The following PTPN14 variants were observed in gnomAD, a reference collection of about 807,000 sequenced individuals.
The protein encoded by PTPN14 is protein tyrosine phosphatase non-receptor type 14.
In PTPN14, 53 loss-of-function variants were observed where a neutral mutation model predicts 126.8. The ratio of observed to expected loss-of-function variants is 0.42; its 90% CI spans 0.34 to 0.53. The LOEUF (loss-of-function observed/expected upper bound fraction) is 0.53, where lower values mean the gene tolerates loss of function less well. PTPN14 is among the 20% of genes least tolerant of loss of function. The pLI, the probability that PTPN14 is intolerant of heterozygous loss-of-function variation, is 0.08. For missense variants in PTPN14, 1,257 were observed against 1,552.9 expected (o/e 0.81, Z 3.20); for synonymous variants, 630 against 599.3 (o/e 1.05, Z -0.75).
In PTPN14 at chr1:214,353,236, G is replaced by A. The variant is rs1657739882; in HGVS notation, c.*4686C>T. On this transcript the variant is annotated 3_prime_UTR_variant, in exon 19 of 19. Coordinates refer to ENST00000366956, the MANE Select transcript of PTPN14 (RefSeq NM_005401.5). ...ATGTTCAAGTCTTTTATATAAAATA[G>A]CACAGTATTTGCATATAACCTATGC... is the stretch of plus-strand genomic sequence containing the variant. 2.0e-5 allele frequency: 3 copies of A among 152,266 alleles called. No individual in the cohort carries two copies. Among genetic ancestry groups the A allele is most frequent in the Admixed American group, 6.5e-5 (1 of 15,294 alleles). 9.4% of individuals were successfully genotyped at this position (152,266 alleles called of 1,614,324 possible).
chr1:214,428,533 A>C (rs1659720482), intron 3 of PTPN14, among the ~76,000 whole-genome samples: 1 of 152,188 alleles, frequency 6.6e-6, no homozygotes, highest in Non-Finnish European at 1.5e-5. Context: ...CCTTTTTATC[A>C]TCTTCTTCCT....
At chr1:214,360,330 T>C (rs1657925514) in intron 18 of PTPN14, among the ~76,000 whole-genome samples, 3 of 151,938 alleles carry the variant, frequency 2.0e-5, no homozygotes, top group African/African-American at 7.3e-5. Context: ...TGGGCTAGAG[T>C]GCAGTGGTGC....
In PTPN14 at chr1:214,440,002, CCA is replaced by C. The variant is rs566547375; in HGVS notation, c.344+11801_344+11802del. On this transcript the variant is annotated intron_variant, in intron 3 of 18. Transcript: ENST00000366956. ...TTGACAAAACTCATCCCTTCCAATT[CCA>C]CAGTGTGTCTTAGCTGTTACAGCTA... Among the ~76,000 whole-genome samples the C allele has an allele frequency of 2.0e-5, 3 of 152,316 alleles. No individual in the cohort carries two copies. In the South Asian group the frequency reaches 6.2e-4, roughly 32 times the overall value.
At chr1:214,484,960 G>C (rs1315745609) in intron 1 of PTPN14, among the ~76,000 whole-genome samples, 11 of 152,184 alleles carry the variant, frequency 7.2e-5, no homozygotes, top group Non-Finnish European at 1.6e-4. Context: ...GGAAAACCAA[G>C]AGAATGAAAA....
intron 9 of PTPN14, 107 bp downstream of exon 9, chr1:214,394,792 A>T: frequency 1.0e-6 from 1 of 955,008 alleles, no homozygotes; most frequent in South Asian, 1.3e-5. Context: ...TCTTCAAGGG[A>T]GTATTTATTA....
At chr1:214,489,893 C>G (rs1478215193) in intron 1 of PTPN14, among the ~76,000 whole-genome samples, 1 of 152,204 alleles carries the variant, frequency 6.6e-6, no homozygotes, top group African/African-American at 2.4e-5. Context: ...CTCTCTAAGC[C>G]TCAGTGTCTC....
intron 3 of PTPN14, among the ~76,000 whole-genome samples, chr1:214,421,445 G>C (rs1003180801): frequency 3.3e-5 from 5 of 152,172 alleles, no homozygotes; most frequent in Non-Finnish European, 5.9e-5. Flanking sequence ...GACAGTGACA[G>C]TGGCTGCACA....
At chr1:214,522,604 G>C (rs1029593277) in intron 1 of PTPN14, among the ~76,000 whole-genome samples, 1 of 152,152 alleles carries the variant, frequency 6.6e-6, no homozygotes, top group East Asian at 1.9e-4. Context: ...TTAAACCAGC[G>C]TAAAAAACAG....
chr1:214,360,520 G>C (rs1657931694), intron 18 of PTPN14, among the ~76,000 whole-genome samples: 2 of 152,176 alleles, frequency 1.3e-5, no homozygotes, highest in Non-Finnish European at 2.9e-5. Flanking sequence ...ATGTGACCTA[G>C]AGCCACCTAA....
chr1:214,500,900 C>A (rs969386644), intron 1 of PTPN14, among the ~76,000 whole-genome samples: 2 of 152,114 alleles, frequency 1.3e-5, no homozygotes, highest in African/African-American at 4.8e-5. Flanking sequence ...TGGCTGTGAG[C>A]ATTAGAGGAA....
intron 2 of PTPN14, among the ~76,000 whole-genome samples, chr1:214,463,925 C>T (rs1344361404): frequency 1.3e-5 from 2 of 152,154 alleles, no homozygotes; most frequent in African/African-American, 2.4e-5. Context: ...TTGTCCTAAA[C>T]GTCTGTATGA....
rs1263545400 is a variant in PTPN14, at chr1:214,414,547, T to G, written c.442+82A>C. On this transcript the variant is annotated intron_variant, in intron 4 of 18. Transcript: ENST00000366956. ...TACTAAGGGATCATTTAAGTAAATC[T>G]AACTTCTCACTCTGAGAGGCCAGCA... The G allele has an allele frequency of 2.4e-6, 3 of 1,264,980 alleles. No homozygotes were observed. The African/African-American group carries it at 4.4e-5, about 19-fold the overall frequency. The allele number at this position is 1,264,980 out of a possible 1,614,324, so 78.4% of individuals were successfully genotyped here. A position where few individuals can be genotyped will look rare whatever the true frequency, so the allele number is the denominator to read the frequency against.
chr1:214,508,056 C>T (rs1218392586), intron 1 of PTPN14, among the ~76,000 whole-genome samples: 2 of 152,122 alleles, frequency 1.3e-5, no homozygotes, highest in Non-Finnish European at 2.9e-5. Context: ...TCAGCAAGTC[C>T]TAATGTTTTT....
At position 214,372,711 on chromosome 1, in the gene PTPN14, C is replaced by T. The variant is rs745597457; in HGVS notation, c.3036G>A (p.Glu1012=). The T allele has an allele frequency of 2.0e-5, 33 of 1,614,010 alleles. No individual in the cohort carries two copies. Among genetic ancestry groups the T allele is most frequent in the Non-Finnish European group, 2.7e-5 (32 of 1,180,024 alleles). ...ATGTGGAGTAGGCCATTCCCCTTAC[C>T]TCCTCTGCAGTGACCATGGCAATCA... ...VNVIAMVTAE[E]EGGRTKSHRY... Residue 1012 remains glutamate (E), a splice_region_variant and synonymous_variant, in exon 16 of 19, where the codon GAG becomes GAA. Coordinates refer to ENST00000366956, the MANE Select transcript of PTPN14 (RefSeq NM_005401.5).
At chr1:214,518,669 G>A (rs1655169049) in intron 1 of PTPN14, among the ~76,000 whole-genome samples, 1 of 152,166 alleles carries the variant, frequency 6.6e-6, no homozygotes, top group Non-Finnish European at 1.5e-5. Context: ...TTGGCTGGGT[G>A]CAAGTGGGAC....
chr1:214,478,634 A>G (rs1660918251), intron 1 of PTPN14, among the ~76,000 whole-genome samples: 1 of 152,244 alleles, frequency 6.6e-6, no homozygotes, highest in Admixed American at 6.5e-5. Context: ...GGGTTCCTTC[A>G]GTAGAACACT....
chr1:214,533,929 A>G (rs12125611), intron 1 of PTPN14, among the ~76,000 whole-genome samples: 5,851 of 150,844 alleles, frequency 0.039, 199 homozygotes, highest in African/African-American at 0.1. Flanking sequence ...GAGGATGAAA[A>G]TGAGTTGTGT....
chr1:214,421,623 C>A (rs1659545820), intron 3 of PTPN14, among the ~76,000 whole-genome samples: 1 of 152,110 alleles, frequency 6.6e-6, no homozygotes, highest in South Asian at 2.1e-4. Context: ...CCCAATGATC[C>A]TAATCAGGAA....
chr1:214,523,850 CTTT>C (rs1286518641), intron 1 of PTPN14, among the ~76,000 whole-genome samples: 5 of 134,468 alleles, frequency 3.7e-5, no homozygotes, highest in Non-Finnish European at 1.6e-5. Context: ...TAATCAGATT[CTTT>C]TTTTTTTTTT....
Sources: allele counts gnomAD v4.1 joint callset (sites outside exome capture counted in the v4.1 genomes callset), GRCh38; gene constraint gnomAD v4.1.1; transcripts MANE v1.5; gene names NCBI Gene and HGNC (gene_info 2026-07-23, HGNC 2026-07-21).